The following TSPAN7 variants were observed in gnomAD, a reference collection of about 807,000 sequenced individuals.
The protein encoded by TSPAN7 is tetraspanin 7, also known as tetraspanin-7.
In TSPAN7, 1 loss-of-function variant was observed where a neutral mutation model predicts 17.6. The ratio of observed to expected loss-of-function variants is 0.06; its 90% CI spans 0.02 to 0.27. TSPAN7 has a LOEUF of 0.27. TSPAN7 is among the 10% of genes least tolerant of loss of function. The pLI is 1.00. For synonymous variants in TSPAN7, 78 were observed against 79.0 expected (o/e 0.99, Z 0.07); for missense variants, 112 against 201.7 (o/e 0.56, Z 2.69).
chrX:38,572,445 G>T (rs990917754), intron 1 of TSPAN7, among the ~76,000 whole-genome samples: 8 of 111,649 alleles, frequency 7.2e-5, no homozygotes, highest in Admixed American at 2.8e-4. Context: ...TTAAAAGTTG[G>T]TGCTGGTGGT....
intron 1 of TSPAN7, among the ~76,000 whole-genome samples, chrX:38,586,181 T>A (rs1193292364): frequency 1.8e-5 from 2 of 112,037 alleles, no homozygotes; most frequent in Non-Finnish European, 3.8e-5. Context: ...TACCTTCAAG[T>A]CCCCTCAGTG....
At chrX:38,652,292 A>G (rs1001120381) in intron 1 of TSPAN7, among the ~76,000 whole-genome samples, 10 of 112,104 alleles carry the variant, frequency 8.9e-5, no homozygotes, top group Non-Finnish European at 1.7e-4. Context: ...TTCTGGGACA[A>G]TAGTCAGAAT....
intron 1 of TSPAN7, among the ~76,000 whole-genome samples, chrX:38,578,264 A>T (rs1189813653): frequency 2.7e-5 from 3 of 111,892 alleles, no homozygotes; most frequent in African/African-American, 9.8e-5. Context: ...GTTAATGCTG[A>T]GTTGCTTGCT....
chrX:38,619,208 C>T lies in TSPAN7; in HGVS notation c.82-46913C>T, dbSNP rs187301788. ...CTGCTTGACTGGGAGGCAGCAGCCA[C>T]GCCAGCTGTTTGGGCCCCACTCACA... is the stretch of plus-strand genomic sequence containing the variant. On this transcript the variant is annotated intron_variant, in intron 1 of 7. Coordinates refer to ENST00000378482, the MANE Select transcript of TSPAN7 (RefSeq NM_004615.4). Among the ~76,000 whole-genome samples, 800 of 110,894 alleles carry T rather than the reference C, an allele frequency of 7.2e-3. 8 individuals are homozygous for T. Among genetic ancestry groups the T allele is most frequent in the African/African-American group, 0.025 (765 of 30,435 alleles).
chrX:38,643,266 C>G (rs2069624492), intron 1 of TSPAN7, among the ~76,000 whole-genome samples: 1 of 109,337 alleles, frequency 9.1e-6, no homozygotes, highest in African/African-American at 3.3e-5. Flanking sequence ...CAAAGGTATA[C>G]AGTTGGGCTG....
chrX:38,567,667 C>T (rs757199754), intron 1 of TSPAN7, among the ~76,000 whole-genome samples: 12 of 112,323 alleles, frequency 1.1e-4, no homozygotes, highest in Non-Finnish European at 2.1e-4. Context: ...TGTGTACCAA[C>T]GTTTACTAGC....
chrX:38,658,694 C>T (rs945589136), intron 1 of TSPAN7, among the ~76,000 whole-genome samples: 5 of 110,896 alleles, frequency 4.5e-5, no homozygotes, highest in African/African-American at 1.3e-4. Context: ...TCCCAAGATT[C>T]GTTGTTCCCG....
chrX:38,588,296 G>A (rs997202700), intron 1 of TSPAN7, among the ~76,000 whole-genome samples: 6 of 111,014 alleles, frequency 5.4e-5, no homozygotes, highest in African/African-American at 9.8e-5. Context: ...ATTTTTGCAT[G>A]ATGGCAAAAA....
intron 1 of TSPAN7, among the ~76,000 whole-genome samples, chrX:38,562,698 G>A (rs1020693136): frequency 2.7e-5 from 3 of 111,417 alleles, no homozygotes; most frequent in Non-Finnish European, 5.7e-5. Context: ...GGTACTTAAA[G>A]ACCATTCCCT....
At chrX:38,585,185 G>A (rs957420688) in intron 1 of TSPAN7, among the ~76,000 whole-genome samples, 10 of 111,878 alleles carry the variant, frequency 8.9e-5, no homozygotes, top group African/African-American at 2.9e-4. Context: ...GAACGTGTGT[G>A]AAGATATAGA....
intron 1 of TSPAN7, among the ~76,000 whole-genome samples, chrX:38,633,744 T>C (rs2069563745): frequency 8.9e-6 from 1 of 112,523 alleles, no homozygotes; most frequent in Non-Finnish European, 1.9e-5. Context: ...TTTGGTTTCT[T>C]AAATTTTTTT....
chrX:38,597,907 G>A (rs1380827257), intron 1 of TSPAN7, among the ~76,000 whole-genome samples: 2 of 111,496 alleles, frequency 1.8e-5, no homozygotes, highest in African/African-American at 6.5e-5. Flanking sequence ...ACATACTTCA[G>A]TATTTGGAAG....
intron 1 of TSPAN7, among the ~76,000 whole-genome samples, chrX:38,638,684 A>G (rs753306173): frequency 2.7e-5 from 3 of 111,249 alleles, no homozygotes; most frequent in South Asian, 7.6e-4. Flanking sequence ...GGCCTTGGGC[A>G]CTCCAGGTCT....
At chrX:38,667,895 C>T (rs934261609) in intron 2 of TSPAN7, among the ~76,000 whole-genome samples, 1 of 112,321 alleles carries the variant, frequency 8.9e-6, no homozygotes, top group Non-Finnish European at 1.9e-5. Flanking sequence ...CAGCATCCCA[C>T]CACTAGCTGG....
At chrX:38,628,242 C>G (rs1450964641) in intron 1 of TSPAN7, among the ~76,000 whole-genome samples, 1 of 112,730 alleles carries the variant, frequency 8.9e-6, no homozygotes, top group Non-Finnish European at 1.9e-5. Context: ...AAGTCCCAAG[C>G]AAGGTATGCA....
intron 5 of TSPAN7, among the ~76,000 whole-genome samples, chrX:38,680,177 T>C (rs2069880196): frequency 9.0e-6 from 1 of 111,726 alleles, no homozygotes; most frequent in Non-Finnish European, 1.9e-5. Context: ...TGCACCATTT[T>C]TTTTTCCTGC....
chrX:38,682,418 G>A (rs888195825), intron 6 of TSPAN7, among the ~76,000 whole-genome samples: 5 of 112,149 alleles, frequency 4.5e-5, no homozygotes, highest in African/African-American at 1.6e-4. Flanking sequence ...AGCTTAATAA[G>A]TTACCACAAA....
At chrX:38,680,539 T>TTCTTTCTC (rs1315085092) in intron 5 of TSPAN7, among the ~76,000 whole-genome samples, 35 of 75,609 alleles carry the variant, frequency 4.6e-4, no homozygotes, top group African/African-American at 1.6e-3. Flanking sequence ...TACTTACAAA[T>TTCTTTCTC]TCTCTCTCTC....
chrX:38,584,846 A>C (rs1391096574), intron 1 of TSPAN7, among the ~76,000 whole-genome samples: 1 of 111,479 alleles, frequency 9.0e-6, no homozygotes, highest in Non-Finnish European at 1.9e-5. Context: ...CTCCATACAA[A>C]CTTATTTACC....
Sources: gnomAD v4.1 joint callset for allele counts (sites outside exome capture counted in the v4.1 genomes callset) on GRCh38, gnomAD v4.1.1 for gene constraint, MANE v1.5 for transcripts, NCBI Gene and HGNC (gene_info 2026-07-23, HGNC 2026-07-21) for gene names.